DNAH3: variants seen among roughly 807,000 people sequenced by gnomAD.
The protein encoded by DNAH3 is axonemal beta dynein heavy chain 3.
A neutral mutation model predicts 432.5 loss-of-function variants in DNAH3; 332 were observed. The observed-to-expected ratio is 0.77, with a 90% CI of 0.70 to 0.84. DNAH3 has a LOEUF of 0.84. DNAH3 is among the 40% of genes least tolerant of loss of function. DNAH3 has a pLI of 0.00. For missense variants in DNAH3, 4,861 were observed against 5,114.0 expected, an observed-to-expected ratio of 0.95 and a Z score of 1.51; for synonymous variants, 1,956 against 1,900.2, an observed-to-expected ratio of 1.03 and a Z score of -0.76.
At chr16:21,152,132 G>A (rs753309531) in intron 1 of DNAH3, among the ~76,000 whole-genome samples, 1 of 152,244 alleles carries the variant, frequency 6.6e-6, no homozygotes, top group African/African-American at 2.4e-5. Flanking sequence ...TACTTGGGGG[G>A]CTGAGGCAGG....
At chr16:21,152,632 C>T (rs2092866187) in intron 1 of DNAH3, among the ~76,000 whole-genome samples, 1 of 152,240 alleles carries the variant, frequency 6.6e-6, no homozygotes, top group African/African-American at 2.4e-5. Context: ...CTGCGCACGG[C>T]GCTTGCGGGC....
exon 53 of DNAH3, chr16:20,965,204 A>C: frequency 6.2e-7 from 1 of 1,613,932 alleles, no homozygotes; most frequent in African/African-American, 1.3e-5. Flanking sequence ...ACGCGATCGT[A>C]CACCTCCATG....
At chr16:20,994,404 C>T (rs2086678135) in intron 44 of DNAH3, among the ~76,000 whole-genome samples, 2 of 152,118 alleles carry the variant, frequency 1.3e-5, no homozygotes, top group Admixed American at 1.3e-4. Context: ...GCACTCCAGC[C>T]TGGGCGACAA....
intron 29 of DNAH3, 25 bp from the exon 30 acceptor site, chr16:21,050,043 A>G (rs752946531): frequency 7.2e-6 from 11 of 1,536,334 alleles, no homozygotes; most frequent in Non-Finnish European, 9.0e-6. Flanking sequence ...ATAGAACTTC[A>G]GTGCTTGAGG....
chr16:20,965,349 T>A (rs138441375), exon 53 of DNAH3: 28 of 1,596,860 alleles, frequency 1.8e-5, no homozygotes, highest in Non-Finnish European at 2.2e-5. Flanking sequence ...CTTTGTCATA[T>A]GTCTTAAGAC....
exon 51 of DNAH3, chr16:20,975,407 A>G (rs2152648164): frequency 1.9e-6 from 3 of 1,613,946 alleles, no homozygotes; most frequent in Non-Finnish European, 2.5e-6. Flanking sequence ...CTCTTTGCAT[A>G]ACCGCTACCT....
intron 34 of DNAH3, 26 bp from the exon 35 acceptor site, chr16:21,036,874 T>C (rs777712363): frequency 1.2e-5 from 19 of 1,583,136 alleles, no homozygotes; most frequent in Non-Finnish European, 1.4e-5. Context: ...TAAAAGAAAG[T>C]GGAAAGGATA....
At chr16:20,954,500 G>T (rs1003322005) in intron 55 of DNAH3, among the ~76,000 whole-genome samples, 1 of 151,812 alleles carries the variant, frequency 6.6e-6, no homozygotes, top group African/African-American at 2.4e-5. Flanking sequence ...ATGTTACCCA[G>T]GCTGGTCTCG....
At chr16:21,058,151 T>A in exon 27 of DNAH3, 2 of 1,613,980 alleles carry the variant, frequency 1.2e-6, no homozygotes, top group South Asian at 1.1e-5. Flanking sequence ...GAGACACAGA[T>A]AACCACCTGT....
chr16:21,140,503 C>A (rs2152828507), intron 5 of DNAH3, 33 bp downstream of exon 6: 1 of 1,601,830 alleles, frequency 6.2e-7, no homozygotes, highest in East Asian at 2.2e-5. Flanking sequence ...TAACCCTCAG[C>A]AAACCGAGGG....
At chr16:21,121,605 C>CTT (rs564709798) in intron 10 of DNAH3, among the ~76,000 whole-genome samples, 11 of 120,152 alleles carry the variant, frequency 9.2e-5, no homozygotes, top group South Asian at 2.7e-4. Context: ...TTTCTTTTTT[C>CTT]TTTTTTTTTT....
rs2090698838 is a variant in DNAH3, at chr16:21,069,439, GT to G, written c.3356del (p.Tyr1119SerfsTer10). On this transcript the variant is annotated frameshift_variant, in exon 23 of 62. Coordinates refer to ENST00000261383, the Ensembl canonical transcript of DNAH3. LOFTEE classifies it high-confidence loss of function. Reference sequence around the variant, plus strand: ...CCGCTTGGGACATAAGTGATTTCCAGTAACTATCAACAATGCCAAATTTCCT... The same window carrying G: ...CCGCTTGGGACATAAGTGATTTCCAGAACTATCAACAATGCCAAATTTCCT... The G allele has an allele frequency of 6.2e-7, 1 of 1,614,000 alleles. No homozygotes were observed. The highest frequency in any genetic ancestry group is 1.7e-5 in the Admixed American group (1 of 59,982).
chr16:21,000,266 G>T (rs771544361), exon 43 of DNAH3: 1 of 1,614,084 alleles, frequency 6.2e-7, no homozygotes, highest in Non-Finnish European at 8.5e-7. Context: ...GGCCCGAAAA[G>T]GCCCTTCCGT....
At chr16:21,145,844 C>T (rs565162430) in intron 2 of DNAH3, 140 bp downstream of exon 3, 6 of 623,408 alleles carry the variant, frequency 9.6e-6, no homozygotes, top group East Asian at 2.8e-5. Flanking sequence ...GGGGCAAAAG[C>T]GACCAAAGCT....
At chr16:21,114,580 G>A (rs979566133) in intron 12 of DNAH3, among the ~76,000 whole-genome samples, 12 of 152,224 alleles carry the variant, frequency 7.9e-5, no homozygotes, top group East Asian at 1.9e-4. Flanking sequence ...AAAAGTGGGC[G>A]AAGGATATGA....
rs780247999 is a variant in DNAH3, at chr16:21,134,473, A to G, written c.887-19T>C. 5.0e-6 allele frequency: 8 copies of G among 1,608,982 alleles called. No individual in the cohort carries two copies. The highest frequency in any genetic ancestry group is 5.9e-6 in the Non-Finnish European group (7 of 1,176,486). ...TAATCAACTACAACCGGAAAGGGCG[A>G]ACACCTCATTATTAAGCTCTAAGGG... On this transcript the variant is annotated intron_variant, in intron 6 of 61. Coordinates refer to ENST00000261383, the Ensembl canonical transcript of DNAH3.
chr16:20,993,934 GTA>G lies in DNAH3; in HGVS notation c.6601+3347_6601+3348del, dbSNP rs2086658958. On this transcript the variant is annotated intron_variant, in intron 44 of 61. Transcript: ENST00000261383. ...GATCATTTTGAGTCAATATTCTTAG[GTA>G]TACAATGTGCTCTTCCAGTATGTAA... Among the ~76,000 whole-genome samples, 3 of 151,956 alleles carry G rather than the reference GTA, an allele frequency of 2.0e-5. No homozygotes were observed. In the East Asian group the frequency reaches 5.8e-4, roughly 29 times the overall value.
chr16:21,130,252 G>T (rs999182704), intron 7 of DNAH3: 2 of 151,554 alleles, frequency 1.3e-5, no homozygotes, highest in Admixed American at 1.3e-4. Flanking sequence ...GGATAGAGCG[G>T]CTGGATAAGG....
exon 32 of DNAH3, chr16:21,042,088 G>C: frequency 1.9e-6 from 3 of 1,613,970 alleles, no homozygotes; most frequent in Non-Finnish European, 1.7e-6. Context: ...GATGAACACA[G>C]CGCAGGTTGG....
Sources: allele counts gnomAD v4.1 joint callset (sites outside exome capture counted in the v4.1 genomes callset), GRCh38; gene constraint gnomAD v4.1.1; transcripts MANE v1.5; gene names NCBI Gene and HGNC (gene_info 2026-07-23, HGNC 2026-07-21).